Variants in AGBL1 observed in about 807,000 individuals in gnomAD.
AGBL1 encodes the protein cytosolic carboxypeptidase 4.
AGBL1 carries 130 observed loss-of-function variants against 118.9 expected under a neutral mutation model. That is an observed-to-expected ratio of 1.09 (90% CI 0.95 to 1.26). The LOEUF (loss-of-function observed/expected upper bound fraction) is 1.26. Ranked by LOEUF, AGBL1 falls within the 50% of genes most tolerant of loss-of-function variation. The probability of loss-of-function intolerance (pLI) is 0.00; values close to 1 mark genes in which losing one functional copy is unlikely to be tolerated. For synonymous variants in AGBL1, 555 were observed against 478.9 expected (o/e 1.16, Z -2.08); for missense variants, 1,584 against 1,298.1 (o/e 1.22, Z -3.38).
chr15:86,195,980 G>A (rs912216853), intron 5 of AGBL1, among the ~76,000 whole-genome samples: 10 of 152,220 alleles, frequency 6.6e-5, no homozygotes, highest in African/African-American at 1.7e-4. Context: ...AAAAGATTTC[G>A]TGGTCAAATA....
chr15:86,617,527 G>A (rs2084746782), intron 21 of AGBL1, among the ~76,000 whole-genome samples: 1 of 152,120 alleles, frequency 6.6e-6, no homozygotes, highest in South Asian at 2.1e-4. Flanking sequence ...TTTATGATGA[G>A]TTCTGACAAT....
intron 21 of AGBL1, among the ~76,000 whole-genome samples, chr15:86,559,492 A>G (rs1270132375): frequency 1.3e-5 from 2 of 152,172 alleles, no homozygotes; most frequent in African/African-American, 4.8e-5. Flanking sequence ...ATCTTGGAAG[A>G]CAAATTTGAG....
At chr15:86,114,195 C>G (rs1897613535) in intron 1 of AGBL1, among the ~76,000 whole-genome samples, 1 of 152,184 alleles carries the variant, frequency 6.6e-6, no homozygotes, top group African/African-American at 2.4e-5. Flanking sequence ...ACATGTTTGC[C>G]ATTTTCCCAT....
chr15:86,189,136 T>C lies in AGBL1; in HGVS notation c.488+30110T>C, dbSNP rs369022392. 1.5e-3 allele frequency among the ~76,000 whole-genome samples: 223 copies of C among 152,316 alleles called. 3 individuals carry two copies. The South Asian group carries it at 0.045, about 31-fold the overall frequency. Reference sequence around the variant, plus strand: ...TACTAAATTTGTAATTTATTTAGAGTGCAATGTTAATTTCACAAGTTTAGA... The same window carrying C: ...TACTAAATTTGTAATTTATTTAGAGCGCAATGTTAATTTCACAAGTTTAGA... On this transcript the variant is annotated intron_variant, in intron 5 of 22. Transcript: ENST00000614907.
Position 86,911,076 on chromosome 15 carries a change from C to T in AGBL1, c.*3782C>T, listed in dbSNP as rs947105344. ...AAATTCAAAGCCAAACTAAGATGAC[C>T]CAAGAATTCCAAGGAGTTGTAGGCC... On this transcript the variant is annotated 3_prime_UTR_variant, in exon 23 of 23. Coordinates refer to ENST00000614907, the MANE Select transcript of AGBL1 (RefSeq NM_001386094.1). 5.3e-5 allele frequency: 8 copies of T among 152,184 alleles called. No homozygotes were observed. Among genetic ancestry groups the T allele is most frequent in the African/African-American group, 1.9e-4 (8 of 41,382 alleles). The allele number at this position is 152,184 out of a possible 1,614,324, so 9.4% of individuals were successfully genotyped here.
intron 22 of AGBL1, among the ~76,000 whole-genome samples, chr15:86,795,427 C>T (rs1001662694): frequency 6.6e-6 from 1 of 151,880 alleles, no homozygotes; most frequent in Non-Finnish European, 1.5e-5. Context: ...CCTGAGGGTC[C>T]CATTACCTGG....
chr15:86,877,999 G>A (rs987678509), intron 22 of AGBL1, among the ~76,000 whole-genome samples: 1 of 152,116 alleles, frequency 6.6e-6, no homozygotes, highest in African/African-American at 2.4e-5. Context: ...TGATGTTGAG[G>A]AAAAACAAAG....
At chr15:86,526,891 G>T (rs2083274729) in intron 19 of AGBL1, among the ~76,000 whole-genome samples, 1 of 152,020 alleles carries the variant, frequency 6.6e-6, no homozygotes, top group South Asian at 2.1e-4. Context: ...AAAATTACCT[G>T]TTGGGTACAA....
intron 23 of AGBL1, among the ~76,000 whole-genome samples, chr15:86,976,777 TA>T (rs2081180346): frequency 6.6e-6 from 1 of 152,058 alleles, no homozygotes. Context: ...GTGGAATTTA[TA>T]CATAAACACA....
At chr15:86,421,041 A>G (rs1355825281) in intron 18 of AGBL1, among the ~76,000 whole-genome samples, 2 of 152,326 alleles carry the variant, frequency 1.3e-5, no homozygotes, top group Admixed American at 1.3e-4. Flanking sequence ...ACTCTTCAGG[A>G]TATTATCCGG....
chr15:86,303,524 G>T (rs371078145), intron 17 of AGBL1, among the ~76,000 whole-genome samples: 1 of 152,030 alleles, frequency 6.6e-6, no homozygotes, highest in Non-Finnish European at 1.5e-5. Context: ...TGTTGTCGGG[G>T]GATAAGAAGT....
intron 9 of AGBL1, among the ~76,000 whole-genome samples, chr15:86,260,665 A>G (rs2078968172): frequency 6.6e-6 from 1 of 152,224 alleles, no homozygotes; most frequent in Non-Finnish European, 1.5e-5. Context: ...CAAAGAGTTC[A>G]CAGTCTAGTG....
rs191904045 is a variant in AGBL1 at position 86,682,031 on chromosome 15, G to A, written c.3158+7595G>A. ...TCCATCAATTCCAAATTAATGCTAC[G>A]TGACTATTCTGGTAATAGCTCTCTT... On this transcript the variant is annotated intron_variant, in intron 22 of 22. Coordinates refer to ENST00000614907, the MANE Select transcript of AGBL1 (RefSeq NM_001386094.1). Among the ~76,000 whole-genome samples, 69 of 152,234 alleles carry A rather than the reference G, an allele frequency of 4.5e-4. No individual in the cohort carries two copies. The South Asian group carries it at 5.6e-3, about 12-fold the overall frequency.
chr15:86,247,168 G>A (rs1597618113), intron 6 of AGBL1, among the ~76,000 whole-genome samples: 2 of 152,152 alleles, frequency 1.3e-5, no homozygotes, highest in South Asian at 4.2e-4. Flanking sequence ...TTGACCAGAT[G>A]CCCAATAATG....
intron 3 of AGBL1, among the ~76,000 whole-genome samples, chr15:86,152,755 C>T (rs1170300988): frequency 6.6e-6 from 1 of 152,136 alleles, no homozygotes; most frequent in East Asian, 1.9e-4. Flanking sequence ...AAAAATTTTG[C>T]AATCTACCTA....
At chr15:86,713,394 C>T (rs2086590400) in intron 22 of AGBL1, among the ~76,000 whole-genome samples, 1 of 152,032 alleles carries the variant, frequency 6.6e-6, no homozygotes, top group South Asian at 2.1e-4. Context: ...ATATACAAAT[C>T]CATATTTAAG....
At chr15:86,195,602 G>T (rs1175361990) in intron 5 of AGBL1, among the ~76,000 whole-genome samples, 1 of 152,136 alleles carries the variant, frequency 6.6e-6, no homozygotes, top group Non-Finnish European at 1.5e-5. Flanking sequence ...GGATTCCCAT[G>T]TCTTTAGATT....
intron 23 of AGBL1, among the ~76,000 whole-genome samples, chr15:86,926,290 T>C (rs759279677): frequency 1.8e-4 from 28 of 152,210 alleles, no homozygotes; most frequent in Non-Finnish European, 3.4e-4. Flanking sequence ...TCTTACATTA[T>C]CCTCACTACA....
Position 86,230,671 on chromosome 15 carries a change from G to A in AGBL1, c.526+5720G>A, listed in dbSNP as rs75144600. 7.7e-4 allele frequency among the ~76,000 whole-genome samples: 118 copies of A among 152,334 alleles called. 2 individuals are homozygous for A. In the East Asian group the frequency reaches 0.019, roughly 24 times the overall value. ...AGAACTGGAAAACACCTTCAAGGCT[G>A]TCTCATCCAGGGATATTCAAATATT... On this transcript the variant is annotated intron_variant, in intron 6 of 22. Transcript: ENST00000614907.
Sources: gnomAD v4.1 joint callset for allele counts (sites outside exome capture counted in the v4.1 genomes callset) on GRCh38, gnomAD v4.1.1 for gene constraint, MANE v1.5 for transcripts, NCBI Gene and HGNC (gene_info 2026-07-23, HGNC 2026-07-21) for gene names.